WWOX: variants seen among roughly 807,000 people sequenced by gnomAD.
The protein encoded by WWOX is WW domain-containing oxidoreductase.
Under a neutral mutation model 46.2 loss-of-function variants are expected in WWOX, and 69 were observed. That is an observed-to-expected ratio of 1.49 (90% CI 1.23 to 1.82). The LOEUF is 1.82. Among genes scored for constraint, WWOX ranks in the 40% most tolerant of loss-of-function variants. The probability of loss-of-function intolerance (pLI) is 0.00; values close to 1 mark genes in which losing one functional copy is unlikely to be tolerated. For synonymous variants in WWOX, 359 were observed against 202.6 expected (o/e 1.77, Z -6.56); for missense variants, 919 against 542.6 (o/e 1.69, Z -6.89).
chr16:78,930,363 A>G lies in WWOX; in HGVS notation c.1057-281245A>G, dbSNP rs530316584. On this transcript the variant is annotated intron_variant, in intron 8 of 8. Coordinates refer to ENST00000566780, the MANE Select transcript of WWOX (RefSeq NM_016373.4). ...CACATTCATGGCTCACTGCAGCCTCAACCTCCTGGGCTCAGGCGATCCTCA... is the reference window on the plus strand; with the variant it reads ...CACATTCATGGCTCACTGCAGCCTCGACCTCCTGGGCTCAGGCGATCCTCA... Among the ~76,000 whole-genome samples the G allele has an allele frequency of 4.7e-5, 7 of 149,830 alleles. No homozygotes were observed. In the East Asian group the frequency reaches 1.2e-3, roughly 25 times the overall value.
chr16:78,862,154 GTGTC>G (rs1435162784), intron 8 of WWOX, among the ~76,000 whole-genome samples: 4 of 151,846 alleles, frequency 2.6e-5, no homozygotes, highest in Non-Finnish European at 4.4e-5. Context: ...ACCTATGGGT[GTGTC>G]TGTCTGTATC....
chr16:78,421,922 C>T (rs990742081), intron 6 of WWOX, among the ~76,000 whole-genome samples: 16 of 152,138 alleles, frequency 1.1e-4, no homozygotes, highest in Non-Finnish European at 2.2e-4. Flanking sequence ...TCTCATGATA[C>T]ATGTTTTCAA....
At chr16:79,039,024 C>T (rs942355674) in intron 8 of WWOX, among the ~76,000 whole-genome samples, 2 of 151,940 alleles carry the variant, frequency 1.3e-5, no homozygotes, top group East Asian at 3.9e-4. Flanking sequence ...GGTTATAATT[C>T]ATATGACTTA....
chr16:78,795,047 C>T (rs1183977971), intron 8 of WWOX, among the ~76,000 whole-genome samples: 1 of 152,132 alleles, frequency 6.6e-6, no homozygotes, highest in African/African-American at 2.4e-5. Flanking sequence ...ATTTTTCCAG[C>T]CAACTCATTT....
intron 7 of WWOX, among the ~76,000 whole-genome samples, chr16:78,425,963 C>T (rs1246869718): frequency 2.0e-5 from 3 of 152,040 alleles, no homozygotes; most frequent in Admixed American, 2.0e-4. Flanking sequence ...AAATGTAACC[C>T]CTGGGACTTG....
intron 8 of WWOX, among the ~76,000 whole-genome samples, chr16:78,667,129 A>G (rs1353037824): frequency 6.6e-6 from 1 of 151,530 alleles, no homozygotes; most frequent in African/African-American, 2.4e-5. Context: ...AGTACTTTTC[A>G]CTCTCCTCCT....
chr16:79,065,630 C>T (rs947344453), intron 8 of WWOX, among the ~76,000 whole-genome samples: 1 of 152,238 alleles, frequency 6.6e-6, no homozygotes, highest in Non-Finnish European at 1.5e-5. Flanking sequence ...CTTGTGACCT[C>T]CTATGCCTAC....
At position 78,586,596 on chromosome 16, in the gene WWOX, G is replaced by A. The variant is rs137946271; in HGVS notation, c.1056+153844G>A. On this transcript the variant is annotated intron_variant, in intron 8 of 8. Transcript: ENST00000566780. ...ACGAGAAAATGGTGACTCAGATTAAGAAACTTGCTCAATGTAACCAAGTCA... is the reference window on the plus strand; with the variant it reads ...ACGAGAAAATGGTGACTCAGATTAAAAAACTTGCTCAATGTAACCAAGTCA... 3.2e-4 allele frequency among the ~76,000 whole-genome samples: 49 copies of A among 152,266 alleles called. No homozygotes were observed. In the East Asian group the frequency reaches 8.3e-3, roughly 26 times the overall value.
chr16:78,818,459 A>C (rs2051402226), intron 8 of WWOX, among the ~76,000 whole-genome samples: 1 of 152,344 alleles, frequency 6.6e-6, no homozygotes, highest in African/African-American at 2.4e-5. Context: ...GGCTGGGTGC[A>C]GAGGCTCATG....
rs192875090 is a variant in WWOX, at chr16:78,434,404, C to A, written c.1056+1652C>A. Reference sequence around the variant, plus strand: ...AAGCGCAGCCTCTTCATGAAAGTTTCTTTGACCATGGTTATGCCTCATACT... The same window carrying A: ...AAGCGCAGCCTCTTCATGAAAGTTTATTTGACCATGGTTATGCCTCATACT... On this transcript the variant is annotated intron_variant, in intron 8 of 8. Coordinates refer to ENST00000566780, the MANE Select transcript of WWOX (RefSeq NM_016373.4). 2.8e-3 allele frequency among the ~76,000 whole-genome samples: 424 copies of A among 152,268 alleles called. 3 individuals are homozygous for A. Among genetic ancestry groups the A allele is most frequent in the Non-Finnish European group, 3.6e-3 (242 of 68,022 alleles).
intron 8 of WWOX, among the ~76,000 whole-genome samples, chr16:78,472,173 A>G (rs2084238487): frequency 1.3e-5 from 2 of 152,160 alleles, no homozygotes; most frequent in African/African-American, 4.8e-5. Flanking sequence ...CATAATTCAA[A>G]TTAAAACCCC....
At chr16:78,997,477 G>C (rs373115837) in intron 8 of WWOX, among the ~76,000 whole-genome samples, 1 of 152,042 alleles carries the variant, frequency 6.6e-6, no homozygotes, top group African/African-American at 2.4e-5. Context: ...TTTTCTCTGG[G>C]CTTTCTACTC....
chr16:78,149,809 A>G (rs1490246460), intron 4 of WWOX, among the ~76,000 whole-genome samples: 2 of 152,154 alleles, frequency 1.3e-5, no homozygotes, highest in Admixed American at 1.3e-4. Flanking sequence ...GGGGCATTCC[A>G]GGCTGGTTTC....
chr16:78,284,867 T>G (rs1383700766), intron 5 of WWOX, among the ~76,000 whole-genome samples: 1 of 152,234 alleles, frequency 6.6e-6, no homozygotes, highest in Non-Finnish European at 1.5e-5. Flanking sequence ...CTTTCAAACT[T>G]ACGTATTTCT....
intron 8 of WWOX, among the ~76,000 whole-genome samples, chr16:78,635,898 C>T (rs1186975856): frequency 6.6e-6 from 1 of 152,096 alleles, no homozygotes; most frequent in African/African-American, 2.4e-5. Context: ...AACCAGGACA[C>T]AGAGAAAAGT....
At chr16:78,587,135 C>G (rs12598076) in intron 8 of WWOX, among the ~76,000 whole-genome samples, 1 of 151,426 alleles carries the variant, frequency 6.6e-6, no homozygotes, top group Non-Finnish European at 1.5e-5. Context: ...AACCTATCCT[C>G]TTACCTCAGC....
chr16:78,511,240 TC>T (rs2085352850), intron 8 of WWOX, among the ~76,000 whole-genome samples: 1 of 152,178 alleles, frequency 6.6e-6, no homozygotes, highest in South Asian at 2.1e-4. Flanking sequence ...AGCGCACACA[TC>T]ACCTCCTAGT....
At chr16:78,157,117 T>C (rs780639706) in intron 4 of WWOX, among the ~76,000 whole-genome samples, 9 of 152,190 alleles carry the variant, frequency 5.9e-5, no homozygotes, top group Admixed American at 3.3e-4. Context: ...AAGAAAGATA[T>C]TCCTGATCAT....
chr16:78,893,580 G>A (rs954134840), intron 8 of WWOX, among the ~76,000 whole-genome samples: 5 of 152,002 alleles, frequency 3.3e-5, no homozygotes, highest in African/African-American at 1.2e-4. Context: ...CTGCCCACAT[G>A]GCTGCCATTT....
Sources: allele counts gnomAD v4.1 joint callset (sites outside exome capture counted in the v4.1 genomes callset), GRCh38; gene constraint gnomAD v4.1.1; transcripts MANE v1.5; gene names NCBI Gene and HGNC (gene_info 2026-07-23, HGNC 2026-07-21).